CAST: variants seen among roughly 807,000 people sequenced by gnomAD.
The protein encoded by CAST is calpastatin, also known as MIR583 host.
In CAST, 76 loss-of-function variants were observed where a neutral mutation model predicts 119.6. The ratio of observed to expected loss-of-function variants is 0.64; its 90% confidence interval spans 0.53 to 0.77. The LOEUF is 0.77. Ranked by LOEUF, CAST falls within the 30% of genes least tolerant of loss-of-function variation. The pLI, the probability that CAST is intolerant of heterozygous loss-of-function variation, is 0.00. For missense variants in CAST, 953 were observed against 946.5 expected (o/e 1.01, Z -0.09); for synonymous variants, 319 against 331.6 (o/e 0.96, Z 0.41).
chr5:96,289,150 G>C, the CAST span, among the ~76,000 whole-genome samples: 1 of 150,440 alleles, frequency 6.6e-6, no homozygotes, highest in East Asian at 1.9e-4. Flanking sequence ...GTACTTGTTA[G>C]AACTGATAAT....
chr5:96,562,082 G>A (rs1318705981), intron 1 of CAST, among the ~76,000 whole-genome samples: 4 of 151,716 alleles, frequency 2.6e-5, no homozygotes, highest in East Asian at 1.9e-4. Flanking sequence ...GTGAGCCACC[G>A]CGCCCGGCCA....
intron 1 of CAST, among the ~76,000 whole-genome samples, chr5:96,595,715 G>A (rs548184298): frequency 3.3e-4 from 51 of 152,268 alleles, no homozygotes; most frequent in African/African-American, 1.1e-3. Context: ...TCAGGGGAAC[G>A]AGGAAGAAGA....
intron 1 of CAST, among the ~76,000 whole-genome samples, chr5:96,566,106 C>A (rs1204765543): frequency 6.6e-6 from 1 of 152,166 alleles, no homozygotes; most frequent in Non-Finnish European, 1.5e-5. Flanking sequence ...CATTCTGTGA[C>A]ATTCTCTTAT....
chr5:96,197,085 T>G, the CAST span, among the ~76,000 whole-genome samples: 2 of 152,192 alleles, frequency 1.3e-5, no homozygotes, highest in Non-Finnish European at 2.9e-5. Flanking sequence ...GTTCAGCACT[T>G]TCATTAGTTT....
the CAST span, among the ~76,000 whole-genome samples, chr5:96,341,963 T>G: frequency 1 from 151,839 of 152,306 alleles, 75,702 homozygotes; most frequent in Middle Eastern, 1. Flanking sequence ...AGAAAAAAAT[T>G]CCTTGATAAA....
At chr5:96,679,113 C>T (rs1366747033) in intron 2 of CAST, among the ~76,000 whole-genome samples, 1 of 152,052 alleles carries the variant, frequency 6.6e-6, no homozygotes, top group African/African-American at 2.4e-5. Flanking sequence ...AATCTTCCCA[C>T]CTCCCAAAGT....
At chr5:96,693,829 T>A (rs1470342414) in intron 2 of CAST, among the ~76,000 whole-genome samples, 1 of 152,226 alleles carries the variant, frequency 6.6e-6, no homozygotes, top group Admixed American at 6.5e-5. Flanking sequence ...ATCACTAGCT[T>A]CTTAGCAGCC....
At chr5:96,771,579 A>G in intron 30 of CAST, 65 bp from the exon 31 acceptor site, 2 of 1,191,302 alleles carry the variant, frequency 1.7e-6, no homozygotes, top group Non-Finnish European at 2.4e-6. Flanking sequence ...TAATTCTGAG[A>G]AGGCCATCTC....
chr5:96,084,867 T>C, the CAST span, among the ~76,000 whole-genome samples: 1 of 151,872 alleles, frequency 6.6e-6, no homozygotes, highest in African/African-American at 2.4e-5. Flanking sequence ...AAAATCAGAG[T>C]GCTATTCCCA....
the CAST span, among the ~76,000 whole-genome samples, chr5:96,102,515 G>A: frequency 1.3e-5 from 2 of 152,156 alleles, no homozygotes; most frequent in African/African-American, 2.4e-5. Context: ...AATCAGGAGA[G>A]AGCAGGCAAA....
At chr5:96,675,459 G>A in intron 1 of CAST, 80 bp from the exon 2 acceptor site, 1 of 939,666 alleles carries the variant, frequency 1.1e-6, no homozygotes, top group Admixed American at 1.9e-5. Context: ...AAAAGGGTAT[G>A]CATTTAGCCT....
intron 1 of CAST, among the ~76,000 whole-genome samples, chr5:96,669,513 G>A (rs1749788676): frequency 6.6e-6 from 1 of 152,208 alleles, no homozygotes; most frequent in South Asian, 2.1e-4. Context: ...AGGAAGGCAA[G>A]ATGTAAGTTT....
At chr5:95,997,868 C>T in the CAST span, among the ~76,000 whole-genome samples, 1 of 150,768 alleles carries the variant, frequency 6.6e-6, no homozygotes, top group African/African-American at 2.4e-5. Context: ...TATAAAAATG[C>T]GAATGATCTG....
intron 1 of CAST, among the ~76,000 whole-genome samples, chr5:96,632,406 C>T (rs1392822264): frequency 1.3e-5 from 2 of 150,226 alleles, no homozygotes; most frequent in African/African-American, 4.9e-5. Flanking sequence ...TGTGCTTTGT[C>T]AATTTTATAT....
chr5:96,542,459 T>G (rs1745932139), intron 1 of CAST, among the ~76,000 whole-genome samples: 1 of 152,216 alleles, frequency 6.6e-6, no homozygotes, highest in Non-Finnish European at 1.5e-5. Context: ...TTGTCAGTTT[T>G]TTTATTTTAG....
At chr5:96,014,921 T>C in the CAST span, among the ~76,000 whole-genome samples, 1 of 152,166 alleles carries the variant, frequency 6.6e-6, no homozygotes, top group Non-Finnish European at 1.5e-5. Flanking sequence ...AGGAGGACGT[T>C]AAATGATCTT....
At chr5:96,210,713 G>A in the CAST span, among the ~76,000 whole-genome samples, 5,396 of 152,024 alleles carry the variant, frequency 0.035, 344 homozygotes, top group African/African-American at 0.12. Context: ...CATATCTACA[G>A]AAATTCTGCC....
At chr5:96,095,109 A>C in the CAST span, among the ~76,000 whole-genome samples, 1 of 152,190 alleles carries the variant, frequency 6.6e-6, no homozygotes, top group African/African-American at 2.4e-5. Context: ...AAATGGTTGG[A>C]TTTAGGCTGT....
chr5:96,744,844 T>C lies in CAST; in HGVS notation c.1201-1498T>C, dbSNP rs140538238. 1.1e-4 allele frequency among the ~76,000 whole-genome samples: 16 copies of C among 152,316 alleles called. No homozygotes were observed. The East Asian group carries it at 3.1e-3, about 29-fold the overall frequency. The stretch of plus-strand genomic sequence containing the variant: ...CTCCAGAGAGGAAACCCATGCCTAC[T>C]TGGTATTCCCATCATCTACCATAAC... On this transcript the variant is annotated intron_variant, in intron 16 of 31. Transcript: ENST00000675179.
Sources: allele counts gnomAD v4.1 joint callset (sites outside exome capture counted in the v4.1 genomes callset), GRCh38; gene constraint gnomAD v4.1.1; transcripts MANE v1.5; gene names NCBI Gene and HGNC (gene_info 2026-07-23, HGNC 2026-07-21).